Variants in DRC3 observed in about 807,000 individuals in gnomAD.
The protein encoded by DRC3 is dynein regulatory complex subunit 3.
A neutral mutation model predicts 57.6 loss-of-function variants in DRC3; 45 were observed. The observed-to-expected ratio is 0.78, with a 90% CI of 0.62 to 1.00. The LOEUF (loss-of-function observed/expected upper bound fraction) is 1.00, where lower values mean the gene tolerates loss of function less well. DRC3 is among the 50% of genes least tolerant of loss of function. The probability of loss-of-function intolerance (pLI) is 0.00; values close to 1 mark genes in which losing one functional copy is unlikely to be tolerated. For synonymous variants in DRC3, 257 were observed against 272.3 expected, an observed-to-expected ratio of 0.94 and a Z score of 0.55; for missense variants, 655 against 675.2, an observed-to-expected ratio of 0.97 and a Z score of 0.33.
chr17:18,016,147 T>A lies in DRC3; in HGVS notation c.1410T>A (p.Asp470Glu). 6 of 1,613,960 alleles carry A rather than the reference T, an allele frequency of 3.7e-6. No homozygotes were observed. Among genetic ancestry groups the A allele is most frequent in the Non-Finnish European group, 5.1e-6 (6 of 1,179,846 alleles). Residue 470 changes from aspartate to glutamate, a missense_variant, in exon 13 of 14, where the codon GAT becomes GAA. Transcript: ENST00000399187. ...IHLLKIDNREDELVTRINSWC... is the reference protein window; with the variant it reads ...IHLLKIDNREEELVTRINSWC... ...TCCTGAAGATTGACAATCGAGAAGA[T>A]GAGCTGGTGACCAGAATCAACTCTT...
Position 18,016,617 on chromosome 17 carries a change from C to A in DRC3, c.1518C>A (p.Ile506=). The change falls in exon 14 of 14, where the codon ATC becomes ATA. Residue 506 remains isoleucine, a synonymous_variant. Transcript: ENST00000399187. Reference sequence around the variant, plus strand: ...GCGTGAAGGAGATCAATCAGTACATCGACCACATGCAGAGCGAACTGGACA... The same window carrying A: ...GCGTGAAGGAGATCAATCAGTACATAGACCACATGCAGAGCGAACTGGACA... The part of the protein sequence containing the change: ...RKRVKEINQY[I]DHMQSELDNL... 6.2e-7 allele frequency: 1 copy of A among 1,613,828 alleles called. No individual in the cohort carries two copies. Among genetic ancestry groups the A allele is most frequent in the Non-Finnish European group, 8.5e-7 (1 of 1,179,814 alleles).
At chr17:18,001,090 TC>T (rs1203826386) in intron 9 of DRC3, among the ~76,000 whole-genome samples, 1 of 151,608 alleles carries the variant, frequency 6.6e-6, no homozygotes, top group Non-Finnish European at 1.5e-5. Flanking sequence ...TCTTTTTCTT[TC>T]TTTTTTTTTT....
chr17:17,977,409 G>T, intron 2 of DRC3, 173 bp from the exon 3 acceptor site: 1 of 698,580 alleles, frequency 1.4e-6, no homozygotes. Context: ...AAGCCCTGGA[G>T]CAGCCTTGGC....
At position 18,014,919 on chromosome 17, in the gene DRC3, T is replaced by G. The variant is rs573245007; in HGVS notation, c.1327-1145T>G. 4 of 152,354 alleles carry G rather than the reference T, an allele frequency of 2.6e-5. No homozygotes were observed. The South Asian group carries it at 8.3e-4, about 32-fold the overall frequency. 9.4% of individuals were successfully genotyped at this position (152,354 alleles called of 1,614,324 possible). A position where few individuals can be genotyped will look rare whatever the true frequency, so the allele number is the denominator to read the frequency against. The stretch of plus-strand genomic sequence containing the variant: ...ATTTCTCCCTTGTGACTGTGCTAAT[T>G]GGTCCCCCAGACACCCCATTCCACA... On this transcript the variant is annotated intron_variant, in intron 12 of 13. Transcript: ENST00000399187.
At chr17:17,980,592 G>GC (rs2042624668) in intron 3 of DRC3, among the ~76,000 whole-genome samples, 1 of 128,644 alleles carries the variant, frequency 7.8e-6, no homozygotes, top group Non-Finnish European at 1.6e-5. Context: ...ACTGCGCCCA[G>GC]CATTTTTTTT....
chr17:17,981,804 C>T (rs963872714), intron 3 of DRC3, among the ~76,000 whole-genome samples: 3 of 152,118 alleles, frequency 2.0e-5, no homozygotes, highest in Non-Finnish European at 4.4e-5. Context: ...TCAAGTGATT[C>T]TGCTGCCTCA....
intron 3 of DRC3, among the ~76,000 whole-genome samples, chr17:17,978,926 G>A (rs1169145517): frequency 3.9e-5 from 6 of 152,358 alleles, no homozygotes; most frequent in African/African-American, 1.4e-4. Context: ...TTGTCCTCAT[G>A]GAGCTGACAT....
chr17:18,007,705 C>G (rs2044031770), intron 12 of DRC3: 11 of 1,277,938 alleles, frequency 8.6e-6, no homozygotes, highest in Non-Finnish European at 1.1e-5. Flanking sequence ...CCCGCGGCAG[C>G]ATGTCTATGT....
Position 18,004,473 on chromosome 17 carries a change from G to A in DRC3, c.1110G>A (p.Met370Ile). The change falls in exon 10 of 14, where the codon ATG becomes ATA. Residue 370 changes from methionine (M) to isoleucine (I), a missense_variant. Met to Ile is a conservative substitution (Grantham distance 10). Transcript: ENST00000399187. ...ELFDALMTLEMQLVEQLEETI... is the reference protein window; with the variant it reads ...ELFDALMTLEIQLVEQLEETI... ...TCGATGCGCTCATGACGCTGGAGATGCAGCTGGTGGAGCAGCTGGAGGTAA... is the reference window on the plus strand; with the variant it reads ...TCGATGCGCTCATGACGCTGGAGATACAGCTGGTGGAGCAGCTGGAGGTAA... 1.9e-6 allele frequency: 3 copies of A among 1,611,374 alleles called. No individual in the cohort carries two copies. Among genetic ancestry groups the A allele is most frequent in the East Asian group, 2.2e-5 (1 of 44,816 alleles).
intron 9 of DRC3, among the ~76,000 whole-genome samples, chr17:18,003,856 A>G (rs1289363950): frequency 6.7e-6 from 1 of 149,416 alleles, no homozygotes; most frequent in African/African-American, 2.5e-5. Context: ...TTTCACTGTG[A>G]TAGCCAGGAT....
chr17:18,010,738 C>A, intron 12 of DRC3: 1 of 197,296 alleles, frequency 5.1e-6, no homozygotes, highest in Non-Finnish European at 1.0e-5. Flanking sequence ...AGGATTGTGG[C>A]CATAGTCAGG....
intron 2 of DRC3, among the ~76,000 whole-genome samples, chr17:17,975,519 C>A (rs547649933): frequency 1.4e-5 from 2 of 141,430 alleles, no homozygotes; most frequent in South Asian, 2.4e-4. Flanking sequence ...CTCCCCACCC[C>A]CCCCCCAAAA....
intron 13 of DRC3, 21 bp downstream of exon 13, chr17:18,016,216 C>T (rs751869663): frequency 1.4e-5 from 22 of 1,608,692 alleles, no homozygotes; most frequent in Non-Finnish European, 1.8e-5. Context: ...CCCAAGCCAT[C>T]CTAGCAGGCT....
At chr17:18,003,001 A>G (rs1287483210) in intron 9 of DRC3, among the ~76,000 whole-genome samples, 1 of 152,198 alleles carries the variant, frequency 6.6e-6, no homozygotes, top group Non-Finnish European at 1.5e-5. Flanking sequence ...AAGGCTCAAG[A>G]AGCCGTTAGG....
At position 17,995,292 on chromosome 17, in the gene DRC3, G is replaced by A. The variant is rs577241821; in HGVS notation, c.824+181G>A. 5.9e-5 allele frequency among the ~76,000 whole-genome samples: 9 copies of A among 152,372 alleles called. No individual in the cohort carries two copies. In the East Asian group the frequency reaches 1.2e-3, roughly 20 times the overall value. On this transcript the variant is annotated intron_variant, in intron 8 of 13. Transcript: ENST00000399187. ...GAGTCCGGTCAGCTGAGCTGCATGG[G>A]GGAGATGCTGTCTGGATTTCAGGGA...
chr17:18,003,485 A>T (rs12941799), intron 9 of DRC3, among the ~76,000 whole-genome samples: 16 of 5,246 alleles, frequency 3.0e-3, no homozygotes, highest in East Asian at 0.036. Flanking sequence ...CTACGTCTTT[A>T]AAAAAAAAAA....
chr17:17,974,871 C>A (rs931519376), intron 2 of DRC3, among the ~76,000 whole-genome samples: 12 of 152,202 alleles, frequency 7.9e-5, no homozygotes, highest in Non-Finnish European at 2.9e-5. Context: ...TTATTCACAG[C>A]ATATAGCAGT....
intron 12 of DRC3, chr17:18,007,352 T>G (rs372369059): frequency 6.5e-7 from 1 of 1,539,656 alleles, no homozygotes; most frequent in Non-Finnish European, 8.8e-7. Context: ...TGGGGCCCAG[T>G]TAAAGAGGAG....
At position 18,006,224 on chromosome 17, in the gene DRC3, A is replaced by G. The variant is rs1361346021; in HGVS notation, c.1173A>G (p.Val391=). The change falls in exon 11 of 14, where the codon GTA becomes GTG. Residue 391 remains valine (V), a synonymous_variant. Coordinates refer to ENST00000399187, the MANE Select transcript of DRC3 (RefSeq NM_031294.4). ...NMFERNIVDM[V]GLFIENVQSL... ...TTGAAAGGAACATTGTTGACATGGTAGGACTGTTTATCGAAAATGTCCAAA... is the reference window on the plus strand; with the variant it reads ...TTGAAAGGAACATTGTTGACATGGTGGGACTGTTTATCGAAAATGTCCAAA... 1 of 1,612,558 alleles carries G rather than the reference A, an allele frequency of 6.2e-7. No homozygotes were observed. Among genetic ancestry groups the G allele is most frequent in the South Asian group, 1.1e-5 (1 of 90,770 alleles).
Sources: allele counts gnomAD v4.1 joint callset (sites outside exome capture counted in the v4.1 genomes callset), GRCh38; gene constraint gnomAD v4.1.1; transcripts MANE v1.5; gene names NCBI Gene and HGNC (gene_info 2026-07-23, HGNC 2026-07-21).